The following RNF180 variants were observed in gnomAD, a reference collection of about 807,000 sequenced individuals.
The protein encoded by RNF180 is E3 ubiquitin-protein ligase RNF180.
In RNF180, 38 loss-of-function variants were observed where a neutral mutation model predicts 59.2. The ratio of observed to expected loss-of-function variants is 0.64; its 90% CI spans 0.50 to 0.84. RNF180 has a LOEUF of 0.84. RNF180 is among the 40% of genes least tolerant of loss of function. RNF180 has a pLI of 0.00. For synonymous variants in RNF180, 262 were observed against 240.3 expected (o/e 1.09, Z -0.84); for missense variants, 705 against 700.9 (o/e 1.01, Z -0.07).
intron 5 of RNF180, among the ~76,000 whole-genome samples, chr5:64,237,959 T>G (rs1294856072): frequency 6.6e-6 from 1 of 152,216 alleles, no homozygotes; most frequent in Non-Finnish European, 1.5e-5. Context: ...TGTGGAACTG[T>G]GAGTTAATTA....
At chr5:64,172,234 G>A (rs994475610) in intron 1 of RNF180, among the ~76,000 whole-genome samples, 1 of 152,138 alleles carries the variant, frequency 6.6e-6, no homozygotes, top group Admixed American at 6.5e-5. Flanking sequence ...TTCAGGCACA[G>A]GTATGTGTGT....
Position 64,314,288 on chromosome 5 carries a change from A to AT in RNF180, c.1228-10889dup, listed in dbSNP as rs11295222. Among the ~76,000 whole-genome samples the AT allele has an allele frequency of 2.7e-5, 4 of 150,698 alleles. No individual in the cohort carries two copies. The East Asian group carries it at 5.9e-4, about 22-fold the overall frequency. ...GTCCTAAAATCTACAGCATGCCAACATTTTTTTTTACTACTTCTTCCTCTT... is the reference window on the plus strand; with the variant it reads ...GTCCTAAAATCTACAGCATGCCAACATTTTTTTTTTACTACTTCTTCCTCTT... On this transcript the variant is annotated intron_variant, in intron 5 of 7. Coordinates refer to ENST00000389100, the MANE Select transcript of RNF180 (RefSeq NM_001113561.2).
chr5:64,248,311 T>G (rs891942262), intron 5 of RNF180, among the ~76,000 whole-genome samples: 5 of 151,932 alleles, frequency 3.3e-5, no homozygotes, highest in South Asian at 2.1e-4. Flanking sequence ...ATGATCAGAG[T>G]GAACAGGCAA....
At chr5:64,274,135 C>T (rs1247807347) in intron 5 of RNF180, among the ~76,000 whole-genome samples, 1 of 152,088 alleles carries the variant, frequency 6.6e-6, no homozygotes, top group Admixed American at 6.6e-5. Flanking sequence ...TCTACCTTGT[C>T]TCTCTAAAAT....
rs1234314099 is a variant in RNF180, at chr5:64,325,185, G to C, written c.1228-1G>C. 6.5e-7 allele frequency: 1 copy of C among 1,542,136 alleles called. No homozygotes were observed. Among genetic ancestry groups the C allele is most frequent in the Non-Finnish European group, 8.8e-7 (1 of 1,138,624 alleles). On this transcript the variant is annotated splice_acceptor_variant, in intron 5 of 7. Coordinates refer to ENST00000389100, the MANE Select transcript of RNF180 (RefSeq NM_001113561.2). LOFTEE classifies it high-confidence loss of function. ...GAAAAAAGTTTTCTTATGTTTTGCA[G>C]ACTTTGAATAATGAGATGAGTACAG...
At chr5:64,170,276 G>T (rs968521302) in intron 1 of RNF180, among the ~76,000 whole-genome samples, 1 of 152,152 alleles carries the variant, frequency 6.6e-6, no homozygotes, top group African/African-American at 2.4e-5. Context: ...ACTCTATTCA[G>T]GCTTTTGGTA....
At chr5:64,197,241 G>C (rs972130233) in intron 1 of RNF180, among the ~76,000 whole-genome samples, 1 of 152,052 alleles carries the variant, frequency 6.6e-6, no homozygotes, top group Non-Finnish European at 1.5e-5. Context: ...CTCATCTTTC[G>C]TTCCTAAGTA....
chr5:64,206,656 A>C (rs951308861), intron 2 of RNF180, among the ~76,000 whole-genome samples: 4 of 152,204 alleles, frequency 2.6e-5, no homozygotes, highest in Non-Finnish European at 5.9e-5. Flanking sequence ...CTCCAAGTGC[A>C]TATTTTAAAG....
At chr5:64,353,514 AT>A (rs1204777329) in intron 7 of RNF180, among the ~76,000 whole-genome samples, 2 of 151,784 alleles carry the variant, frequency 1.3e-5, no homozygotes, top group African/African-American at 4.8e-5. Context: ...TGGAAACAAA[AT>A]AAGAAATAAG....
At chr5:64,228,309 T>C (rs935061013) in intron 5 of RNF180, among the ~76,000 whole-genome samples, 1 of 151,018 alleles carries the variant, frequency 6.6e-6, no homozygotes, top group African/African-American at 2.4e-5. Flanking sequence ...AGCCCAGGAG[T>C]TCAAGGCCAG....
intron 5 of RNF180, among the ~76,000 whole-genome samples, chr5:64,236,603 A>G (rs192680327): frequency 1.3e-5 from 2 of 152,318 alleles, no homozygotes; most frequent in Non-Finnish European, 2.9e-5. Flanking sequence ...ATGAATATTA[A>G]TAACCAAGAC....
At chr5:64,224,625 G>A (rs1174610166) in intron 5 of RNF180, among the ~76,000 whole-genome samples, 3 of 152,130 alleles carry the variant, frequency 2.0e-5, no homozygotes, top group African/African-American at 7.2e-5. Flanking sequence ...GGTCACTGGA[G>A]TATAGGAAAG....
chr5:64,275,575 A>G (rs1365000664), intron 5 of RNF180, among the ~76,000 whole-genome samples: 1 of 151,856 alleles, frequency 6.6e-6, no homozygotes, highest in African/African-American at 2.4e-5. Context: ...AGTGAATATA[A>G]TGGGTACTTG....
intron 5 of RNF180, among the ~76,000 whole-genome samples, chr5:64,266,428 TAA>T (rs1744685556): frequency 1.3e-5 from 2 of 152,168 alleles, no homozygotes; most frequent in Admixed American, 1.3e-4. Context: ...TCTTCTTTTA[TAA>T]AGTTATTACC....
intron 5 of RNF180, among the ~76,000 whole-genome samples, chr5:64,220,857 T>A (rs1013039329): frequency 1.3e-5 from 2 of 151,790 alleles, no homozygotes; most frequent in African/African-American, 4.8e-5. Context: ...AATCACTGAG[T>A]CATCTACAGT....
At chr5:64,227,471 G>A (rs1215345426) in intron 5 of RNF180, among the ~76,000 whole-genome samples, 1 of 152,208 alleles carries the variant, frequency 6.6e-6, no homozygotes, top group Non-Finnish European at 1.5e-5. Context: ...CCTCCTCAGA[G>A]CAGCCTCTTA....
At chr5:64,273,027 G>A (rs1741505657) in intron 5 of RNF180, among the ~76,000 whole-genome samples, 1 of 151,798 alleles carries the variant, frequency 6.6e-6, no homozygotes, top group South Asian at 2.1e-4. Context: ...GAAGCTGTAG[G>A]TCCATTGCCT....
At chr5:64,309,766 TATAA>T (rs1304488730) in intron 5 of RNF180, among the ~76,000 whole-genome samples, 1 of 151,618 alleles carries the variant, frequency 6.6e-6, no homozygotes, top group Admixed American at 6.6e-5. Context: ...TAGTAATATA[TATAA>T]ATAAATTCAG....
intron 5 of RNF180, among the ~76,000 whole-genome samples, chr5:64,315,139 T>G (rs1471003261): frequency 1.3e-5 from 2 of 152,234 alleles, no homozygotes; most frequent in Non-Finnish European, 2.9e-5. Context: ...TATTTTATTA[T>G]GCAGTGTCAA....
Sources: allele counts gnomAD v4.1 joint callset (sites outside exome capture counted in the v4.1 genomes callset), GRCh38; gene constraint gnomAD v4.1.1; transcripts MANE v1.5; gene names NCBI Gene and HGNC (gene_info 2026-07-23, HGNC 2026-07-21).